ZPBP: variants seen among roughly 807,000 people sequenced by gnomAD.
The protein encoded by ZPBP is zona pellucida binding protein.
A neutral mutation model predicts 44.8 loss-of-function variants in ZPBP; 26 were observed. The observed-to-expected ratio is 0.58, with a 90% CI of 0.43 to 0.81. ZPBP has a LOEUF of 0.81. Among genes scored for constraint, ZPBP ranks in the 30% least tolerant of loss-of-function variants. ZPBP has a pLI of 0.00. For missense variants in ZPBP, 409 were observed against 434.0 expected (o/e 0.94, Z 0.51); for synonymous variants, 174 against 153.2 (o/e 1.14, Z -1.00).
intron 2 of ZPBP, among the ~76,000 whole-genome samples, chr7:49,856,785 G>A (rs1227888814): frequency 6.6e-6 from 1 of 152,014 alleles, no homozygotes; most frequent in Non-Finnish European, 1.5e-5. Flanking sequence ...CGAGGTGGGC[G>A]GATCACGAGG....
chr7:49,918,006 T>C (rs567191304), intron 1 of ZPBP: 82 of 152,316 alleles, frequency 5.4e-4, no homozygotes, highest in African/African-American at 1.9e-3. Context: ...TATACACCTA[T>C]GAAACTATTA....
At chr7:49,982,776 T>C (rs771085006) in intron 7 of ZPBP, among the ~76,000 whole-genome samples, 1 of 151,890 alleles carries the variant, frequency 6.6e-6, no homozygotes, top group Non-Finnish European at 1.5e-5. Flanking sequence ...CTCTCAATAA[T>C]AGAAATGCAA....
chr7:49,954,593 ATCT>A (rs1323032583), intron 7 of ZPBP, among the ~76,000 whole-genome samples: 2 of 152,178 alleles, frequency 1.3e-5, no homozygotes, highest in African/African-American at 4.8e-5. Context: ...TTATATTAAT[ATCT>A]AACAAAATAG....
At chr7:50,083,362 A>C (rs1413726620) in intron 2 of ZPBP, among the ~76,000 whole-genome samples, 2 of 152,018 alleles carry the variant, frequency 1.3e-5, no homozygotes, top group East Asian at 3.9e-4. Context: ...GGCTCTAACA[A>C]AAGACATAAA....
intron 2 of ZPBP, among the ~76,000 whole-genome samples, chr7:49,863,815 CT>C (rs1377322492): frequency 2.0e-5 from 3 of 152,122 alleles, no homozygotes; most frequent in East Asian, 1.9e-4. Flanking sequence ...AGTGTGCTCT[CT>C]TTTTACTCAT....
At chr7:50,084,385 A>G (rs566019340) in intron 2 of ZPBP, among the ~76,000 whole-genome samples, 1 of 152,034 alleles carries the variant, frequency 6.6e-6, no homozygotes, top group South Asian at 2.1e-4. Context: ...TATTTATTAC[A>G]TACACCAAAA....
intron 1 of ZPBP, among the ~76,000 whole-genome samples, chr7:49,903,493 C>T (rs1792890084): frequency 6.6e-6 from 1 of 152,148 alleles, no homozygotes; most frequent in African/African-American, 2.4e-5. Context: ...CCAAAGCCCA[C>T]TTTTGATACT....
chr7:49,847,517 G>A (rs957463041), downstream of ZPBP, among the ~76,000 whole-genome samples: 3 of 152,022 alleles, frequency 2.0e-5, no homozygotes, highest in Non-Finnish European at 4.4e-5. Context: ...TTTTATTATT[G>A]GGTATGGTAA....
intron 1 of ZPBP, among the ~76,000 whole-genome samples, chr7:49,903,869 G>A (rs1375509018): frequency 6.6e-6 from 1 of 152,166 alleles, no homozygotes; most frequent in Non-Finnish European, 1.5e-5. Flanking sequence ...GGACTTCCAA[G>A]AGGAAAGACT....
At chr7:50,001,563 G>T (rs1357800880) in intron 6 of ZPBP, among the ~76,000 whole-genome samples, 1 of 151,980 alleles carries the variant, frequency 6.6e-6, no homozygotes, top group East Asian at 1.9e-4. Flanking sequence ...TGAGTAACAG[G>T]GACAGCCACT....
At chr7:50,092,795 G>A (rs949893551) in intron 1 of ZPBP, 2 of 370,002 alleles carry the variant, frequency 5.4e-6, no homozygotes, top group African/African-American at 4.4e-5. Context: ...ACTGAATTGG[G>A]GAGTTTATCA....
At chr7:49,966,433 C>T (rs1583931168) in intron 7 of ZPBP, among the ~76,000 whole-genome samples, 2 of 152,034 alleles carry the variant, frequency 1.3e-5, no homozygotes, top group South Asian at 2.1e-4. Context: ...ATATATATAC[C>T]ATACACCAGG....
intron 2 of ZPBP, among the ~76,000 whole-genome samples, chr7:49,888,958 C>T (rs78710587): frequency 1.4e-4 from 21 of 152,166 alleles, no homozygotes; most frequent in African/African-American, 4.8e-4. Context: ...AAGTGTACCT[C>T]AGCAGACATA....
intron 4 of ZPBP, among the ~76,000 whole-genome samples, chr7:50,047,258 C>T (rs1800418142): frequency 6.6e-6 from 1 of 151,906 alleles, no homozygotes; most frequent in Admixed American, 6.6e-5. Context: ...AACAAACCTA[C>T]ATGTTCTACA....
intron 5 of ZPBP, among the ~76,000 whole-genome samples, chr7:50,029,682 A>G (rs184549259): frequency 6.6e-6 from 1 of 152,370 alleles, no homozygotes; most frequent in East Asian, 1.9e-4. Context: ...ATTTCTCCAA[A>G]GAAGATACAC....
intron 6 of ZPBP, among the ~76,000 whole-genome samples, chr7:50,001,958 G>T (rs1430061667): frequency 6.6e-6 from 1 of 152,076 alleles, no homozygotes; most frequent in Non-Finnish European, 1.5e-5. Context: ...AGGCTGCAAT[G>T]CAGTGGCGCA....
intron 7 of ZPBP, among the ~76,000 whole-genome samples, chr7:49,981,393 T>TA (rs374288844): frequency 0.012 from 301 of 24,964 alleles, no homozygotes; most frequent in Non-Finnish European, 0.015. Flanking sequence ...TAATTATATA[T>TA]ATTATATATA....
intron 2 of ZPBP, among the ~76,000 whole-genome samples, chr7:49,870,938 A>C (rs919925485): frequency 3.9e-5 from 6 of 152,228 alleles, no homozygotes; most frequent in Non-Finnish European, 8.8e-5. Context: ...TCCAGGAAAT[A>C]TGATAAACTC....
intron 4 of ZPBP, among the ~76,000 whole-genome samples, chr7:50,041,940 G>A (rs1227926896): frequency 1.3e-5 from 2 of 152,052 alleles, no homozygotes; most frequent in Non-Finnish European, 2.9e-5. Context: ...AGGGTTAGAC[G>A]AATTGCTAAC....
Sources: gnomAD v4.1 joint callset for allele counts (sites outside exome capture counted in the v4.1 genomes callset) on GRCh38, gnomAD v4.1.1 for gene constraint, MANE v1.5 for transcripts, NCBI Gene and HGNC (gene_info 2026-07-23, HGNC 2026-07-21) for gene names.